Variants in IARS2 observed in about 807,000 individuals in gnomAD.
IARS2 encodes the protein isoleucyl-tRNA synthetase 2, mitochondrial.
A neutral mutation model predicts 126.3 loss-of-function variants in IARS2; 56 were observed. The ratio of observed to expected loss-of-function variants is 0.44; its 90% CI spans 0.36 to 0.55. The LOEUF (loss-of-function observed/expected upper bound fraction) is 0.55, where lower values mean the gene tolerates loss of function less well. IARS2 is among the 20% of genes least tolerant of loss of function. IARS2 has a pLI of 0.00. For missense variants in IARS2, 1,127 were observed against 1,245.9 expected (o/e 0.90, Z 1.44); for synonymous variants, 407 against 441.1 (o/e 0.92, Z 0.97).
intron 10 of IARS2, 123 bp downstream of exon 10, chr1:220,107,274 G>A: frequency 1.5e-6 from 1 of 662,260 alleles, no homozygotes; most frequent in East Asian, 2.7e-5. Flanking sequence ...GTCTTGTTTT[G>A]CCATATGTTT....
intron 21 of IARS2, chr1:220,144,076 T>C: frequency 1.7e-6 from 2 of 1,168,210 alleles, no homozygotes; most frequent in Non-Finnish European, 2.5e-6. Flanking sequence ...TGGAAGCAGA[T>C]TATTTTGCCA....
intron 2 of IARS2, among the ~76,000 whole-genome samples, chr1:220,098,938 C>T (rs1052352800): frequency 6.6e-6 from 1 of 152,058 alleles, no homozygotes; most frequent in Admixed American, 6.6e-5. Context: ...AGCGGCTGGG[C>T]GTGGTGGGTC....
chr1:220,119,527 T>TG (rs1297053869), intron 12 of IARS2, among the ~76,000 whole-genome samples: 2 of 152,070 alleles, frequency 1.3e-5, no homozygotes, highest in African/African-American at 4.8e-5. Context: ...ATATTAAATA[T>TG]CACAAGGAAA....
intron 11 of IARS2, among the ~76,000 whole-genome samples, chr1:220,113,638 TAG>T (rs1056439620): frequency 6.1e-5 from 9 of 146,704 alleles, no homozygotes; most frequent in South Asian, 4.2e-4. Context: ...TATATATATA[TAG>T]AGAGAGAGAG....
At chr1:220,115,984 G>A (rs1323493421) in intron 12 of IARS2, among the ~76,000 whole-genome samples, 1 of 152,182 alleles carries the variant, frequency 6.6e-6, no homozygotes, top group Non-Finnish European at 1.5e-5. Flanking sequence ...ACTTTGGGAG[G>A]CCAAGGCGGC....
rs910051649 is a variant in IARS2, at chr1:220,141,016, A to G, written c.2414+727A>G. 1.5e-4 allele frequency among the ~76,000 whole-genome samples: 23 copies of G among 150,592 alleles called. No individual in the cohort carries two copies. The East Asian group carries it at 4.1e-3, about 27-fold the overall frequency. On this transcript the variant is annotated intron_variant, in intron 19 of 22. Transcript: ENST00000366922. ...AAAAAAAAAAAAGATTGGGTTCCGG[A>G]GTCAAGTCTGAGTATAAAGGTTTGA...
At chr1:220,110,099 G>C (rs762755240) in intron 10 of IARS2, among the ~76,000 whole-genome samples, 2 of 152,012 alleles carry the variant, frequency 1.3e-5, no homozygotes, top group African/African-American at 2.4e-5. Context: ...TTGTTGCCCA[G>C]GCTGGAGTGC....
chr1:220,123,057 C>T (rs1657079370), intron 12 of IARS2, among the ~76,000 whole-genome samples: 1 of 150,744 alleles, frequency 6.6e-6, no homozygotes, highest in Admixed American at 6.6e-5. Context: ...ATGTACTTTA[C>T]TAGTATCTCT....
chr1:220,107,269 G>T (rs1656701951), intron 10 of IARS2, 118 bp downstream of exon 10: 2 of 673,522 alleles, frequency 3.0e-6, no homozygotes, highest in African/African-American at 1.8e-5. Flanking sequence ...ATTATGTCTT[G>T]TTTTGCCATA....
intron 10 of IARS2, among the ~76,000 whole-genome samples, chr1:220,109,754 C>T (rs531067376): frequency 6.6e-6 from 1 of 152,284 alleles, no homozygotes; most frequent in East Asian, 1.9e-4. Context: ...GCCTGATTCC[C>T]AAGTAAGGTC....
intron 13 of IARS2, 63 bp downstream of exon 13, chr1:220,125,402 A>T: frequency 9.8e-7 from 1 of 1,017,654 alleles, no homozygotes; most frequent in South Asian, 1.4e-5. Flanking sequence ...ACAACATGAG[A>T]AATTCTTGAG....
Position 220,147,734 on chromosome 1 carries a change from A to T in IARS2, c.*99A>T, listed in dbSNP as rs184095274. ...AGGAAAGAAAGCCAAGATTTAGGTA[A>T]TGAGTGGATGAGTAAATGGTGGAGG... On this transcript the variant is annotated 3_prime_UTR_variant, in exon 23 of 23. Coordinates refer to ENST00000366922, the MANE Select transcript of IARS2 (RefSeq NM_018060.4). The T allele has an allele frequency of 4.4e-6, 5 of 1,145,308 alleles. No individual in the cohort carries two copies. The African/African-American group carries it at 4.6e-5, about 11-fold the overall frequency. The allele number at this position is 1,145,308 out of a possible 1,614,324, so 70.9% of individuals were successfully genotyped here. A position where few individuals can be genotyped will look rare whatever the true frequency, so the allele number is the denominator to read the frequency against.
intron 12 of IARS2, among the ~76,000 whole-genome samples, chr1:220,118,993 T>G (rs1656983150): frequency 1.3e-5 from 2 of 152,182 alleles, no homozygotes; most frequent in East Asian, 3.8e-4. Flanking sequence ...ACCTCATTCT[T>G]CTTCCAGTAA....
rs765053571 is a variant in IARS2 at position 220,147,682 on chromosome 1, G to A, written c.*47G>A. Reference sequence around the variant, plus strand: ...AGAACCCTCCTGACAGTACTGGCTAGAAGTTTGGATGGATTATTTACAATA... The same window carrying A: ...AGAACCCTCCTGACAGTACTGGCTAAAAGTTTGGATGGATTATTTACAATA... On this transcript the variant is annotated 3_prime_UTR_variant, in exon 23 of 23. Coordinates refer to ENST00000366922, the MANE Select transcript of IARS2 (RefSeq NM_018060.4). The A allele has an allele frequency of 6.3e-7, 1 of 1,588,292 alleles. No individual in the cohort carries two copies. The highest frequency in any genetic ancestry group is 2.2e-5 in the East Asian group (1 of 44,564).
intron 12 of IARS2, among the ~76,000 whole-genome samples, chr1:220,115,726 A>G (rs1476571950): frequency 6.6e-6 from 1 of 152,040 alleles, no homozygotes; most frequent in East Asian, 1.9e-4. Flanking sequence ...TGAGCTTTGG[A>G]GAATGGCAAC....
At chr1:220,138,463 T>C (rs1657425233) in intron 17 of IARS2, among the ~76,000 whole-genome samples, 1 of 152,022 alleles carries the variant, frequency 6.6e-6, no homozygotes, top group South Asian at 2.1e-4. Flanking sequence ...GAGCAAGACC[T>C]TGTCTCAAAA....
Position 220,102,483 on chromosome 1 carries a change from T to G in IARS2, c.750-12T>G. ...CTTCCAAGTATTTATGTTTAATATT[T>G]TTAACCCTTAGGACTGCATTGGCTG... On this transcript the variant is annotated splice_polypyrimidine_tract_variant and intron_variant, in intron 5 of 22. Coordinates refer to ENST00000366922, the MANE Select transcript of IARS2 (RefSeq NM_018060.4). The G allele has an allele frequency of 1.9e-6, 3 of 1,611,758 alleles. No individual in the cohort carries two copies. The South Asian group carries it at 3.3e-5, about 18-fold the overall frequency.
At chr1:220,127,788 C>T (rs548879335) in intron 14 of IARS2, among the ~76,000 whole-genome samples, 1 of 152,232 alleles carries the variant, frequency 6.6e-6, no homozygotes, top group African/African-American at 2.4e-5. Context: ...AAACAAAATG[C>T]ATATAAATTC....
intron 3 of IARS2, among the ~76,000 whole-genome samples, chr1:220,101,643 A>C (rs1283547984): frequency 1.3e-5 from 2 of 151,410 alleles, no homozygotes; most frequent in South Asian, 4.2e-4. Context: ...CAGAGGTTAC[A>C]GTGAGCTGAG....
Sources: allele counts gnomAD v4.1 joint callset (sites outside exome capture counted in the v4.1 genomes callset), GRCh38; gene constraint gnomAD v4.1.1; transcripts MANE v1.5; gene names NCBI Gene and HGNC (gene_info 2026-07-23, HGNC 2026-07-21).